Variants in APBB2 observed in about 807,000 individuals in gnomAD.
APBB2 encodes Fe65-like 1.
In APBB2, 38 loss-of-function variants were observed where a neutral mutation model predicts 82.5. That is an observed-to-expected ratio of 0.46 (90% confidence interval 0.36 to 0.60). The LOEUF is 0.60. Ranked by LOEUF, APBB2 falls within the 20% of genes least tolerant of loss-of-function variation. APBB2 has a pLI of 0.00. For missense variants in APBB2, 772 were observed against 972.3 expected (o/e 0.79, Z 2.74); for synonymous variants, 341 against 368.2 (o/e 0.93, Z 0.85).
chr4:41,164,658 A>G (rs1766024514), intron 1 of APBB2, among the ~76,000 whole-genome samples: 1 of 152,222 alleles, frequency 6.6e-6, no homozygotes, highest in Non-Finnish European at 1.5e-5. Context: ...AAGTGAAGTA[A>G]TATCACTTCT....
intron 7 of APBB2, chr4:40,935,675 G>C (rs1785212541): frequency 6.6e-6 from 1 of 151,706 alleles, no homozygotes; most frequent in Non-Finnish European, 1.5e-5. Context: ...AACACAGACT[G>C]ACATCAACAC....
At chr4:41,210,072 G>A (rs972933818) in intron 1 of APBB2, among the ~76,000 whole-genome samples, 1 of 152,218 alleles carries the variant, frequency 6.6e-6, no homozygotes, top group Admixed American at 6.5e-5. Context: ...AGTCCTGTGA[G>A]AATCAAATGC....
chr4:41,063,286 ATAACCATTTAAAATG>A (rs1467780604), intron 4 of APBB2, among the ~76,000 whole-genome samples: 1 of 152,234 alleles, frequency 6.6e-6, no homozygotes, highest in African/African-American at 2.4e-5. Flanking sequence ...AGGTGCTTAT[ATAACCATTTAAAATG>A]TAACCATTTA....
At chr4:41,195,942 C>T in intron 1 of APBB2, among the ~76,000 whole-genome samples, 1 of 152,234 alleles carries the variant, frequency 6.6e-6, no homozygotes, top group African/African-American at 2.4e-5. Context: ...GGGCAGATCA[C>T]AAGGTCAGGA....
intron 3 of APBB2, among the ~76,000 whole-genome samples, chr4:41,070,972 T>C (rs1391698960): frequency 6.6e-6 from 1 of 152,246 alleles, no homozygotes; most frequent in African/African-American, 2.4e-5. Context: ...CTAGCCATAA[T>C]ATATTCACTA....
chr4:41,030,935 G>A (rs1716510252), intron 5 of APBB2, among the ~76,000 whole-genome samples: 1 of 152,072 alleles, frequency 6.6e-6, no homozygotes, highest in Non-Finnish European at 1.5e-5. Flanking sequence ...ATAAATTCTG[G>A]TATGTTTGGC....
chr4:41,050,119 AAAAAT>A (rs1725402149), intron 4 of APBB2, among the ~76,000 whole-genome samples: 1 of 132,830 alleles, frequency 7.5e-6, no homozygotes, highest in African/African-American at 4.3e-5. Flanking sequence ...ATCAATAAAA[AAAAAT>A]AAAAATAAAA....
At chr4:40,822,081 G>C (rs780128616) in intron 16 of APBB2, 31 bp from the exon 17 acceptor site, 3 of 1,610,872 alleles carry the variant, frequency 1.9e-6, no homozygotes, top group South Asian at 2.2e-5. Flanking sequence ...CATCCAATCA[G>C]GAGATCCCAG....
rs1407519773 is a variant in APBB2, at chr4:40,907,373, ATATATATTTTT to A, written c.1255-13973_1255-13963del. On this transcript the variant is annotated intron_variant, in intron 10 of 17. Coordinates refer to ENST00000508593, the MANE Select transcript of APBB2 (RefSeq NM_004307.2). ...CATATATATATATATATATATATATATATATATTTTTTTTTTTTTTTTTTTTTAGACAGAGT... is the reference window on the plus strand; with the variant it reads ...CATATATATATATATATATATATATATTTTTTTTTTTTTTTTAGACAGAGT... 8.0e-3 allele frequency among the ~76,000 whole-genome samples: 297 copies of A among 37,330 alleles called. 4 individuals are homozygous for A. In the East Asian group the frequency reaches 0.1, roughly 13 times the overall value. The allele number at this position is 37,330 out of a possible 152,430, so 24.5% of individuals were successfully genotyped here. A position where few individuals can be genotyped will look rare whatever the true frequency, so the allele number is the denominator to read the frequency against.
intron 12 of APBB2, among the ~76,000 whole-genome samples, chr4:40,839,854 G>C (rs976791296): frequency 6.6e-6 from 1 of 152,066 alleles, no homozygotes; most frequent in Non-Finnish European, 1.5e-5. Flanking sequence ...TAGTAGAGAC[G>C]GGGCTTCGCC....
chr4:41,197,979 C>A, intron 1 of APBB2, among the ~76,000 whole-genome samples: 1 of 152,194 alleles, frequency 6.6e-6, no homozygotes, highest in African/African-American at 2.4e-5. Context: ...GCTGACTATT[C>A]TAGGTACTTT....
chr4:40,978,184 C>T (rs1026014371), intron 6 of APBB2, among the ~76,000 whole-genome samples: 3 of 152,216 alleles, frequency 2.0e-5, no homozygotes, highest in African/African-American at 7.2e-5. Flanking sequence ...AGCAAGCTTG[C>T]CCCAAATCAG....
rs1754656090 is a variant in APBB2 at position 41,127,239 on chromosome 4, AAC to A, written c.-261+15746_-261+15747del. On this transcript the variant is annotated intron_variant, in intron 2 of 17. Transcript: ENST00000508593. The surrounding 1 kb of genome is among the most constrained non-coding windows in gnomAD (Gnocchi z 4.8). ...AAATACTTCATAAAGACACACACCA[AAC>A]AACCATAATGAAAAGTCTTTTGGGG... 1.3e-5 allele frequency among the ~76,000 whole-genome samples: 2 copies of A among 152,192 alleles called. No individual in the cohort carries two copies. The highest frequency in any genetic ancestry group is 1.3e-4 in the Admixed American group (2 of 15,284).
intron 1 of APBB2, among the ~76,000 whole-genome samples, chr4:41,170,414 T>C (rs1212067430): frequency 4.6e-5 from 7 of 152,166 alleles, no homozygotes; most frequent in Non-Finnish European, 1.0e-4. Flanking sequence ...AAGACCAAGT[T>C]ATGATGGTTA....
chr4:41,014,175 G>C lies in APBB2; in HGVS notation c.243C>G (p.Leu81=). ...GCAGGGGCTGTGCAGCTGGATCCGA[G>C]AGGCCCATGGCCGCCTGGATGTTAG... is the stretch of plus-strand genomic sequence containing the variant. ...ALTNIQAAMG[L]SDPAAQPLLG... The change falls in exon 6 of 18, where the codon CTC becomes CTG. Residue 81 remains leucine, a synonymous_variant. Coordinates refer to ENST00000508593, the MANE Select transcript of APBB2 (RefSeq NM_004307.2). 6.2e-7 allele frequency: 1 copy of C among 1,614,224 alleles called. No homozygotes were observed. The highest frequency in any genetic ancestry group is 8.5e-7 in the Non-Finnish European group (1 of 1,180,042).
At chr4:40,916,486 G>T (rs930621395) in intron 10 of APBB2, among the ~76,000 whole-genome samples, 5 of 152,226 alleles carry the variant, frequency 3.3e-5, no homozygotes, top group Non-Finnish European at 5.9e-5. Context: ...CTGTTCCTCA[G>T]TATTGGCTGA....
intron 2 of APBB2, among the ~76,000 whole-genome samples, chr4:41,113,022 G>A (rs1339494008): frequency 1.3e-5 from 2 of 152,022 alleles, no homozygotes; most frequent in Non-Finnish European, 2.9e-5. Context: ...ATCTGTGAAG[G>A]TTAGACATAC....
At chr4:41,050,673 C>A (rs569488831) in intron 4 of APBB2, among the ~76,000 whole-genome samples, 1 of 152,084 alleles carries the variant, frequency 6.6e-6, no homozygotes, top group Admixed American at 6.5e-5. Context: ...GCACAATTAG[C>A]AACTCTTCTA....
Position 40,944,920 on chromosome 4 carries a change from C to A in APBB2, c.989G>T (p.Gly330Val), listed in dbSNP as rs368043107. 1.9e-6 allele frequency: 3 copies of A among 1,613,560 alleles called. No homozygotes were observed. The African/African-American group carries it at 4.0e-5, about 22-fold the overall frequency. The part of the protein sequence containing the change: ...RPVSIPADLQ[G>V]SRKGSLSSVT... Reference sequence around the variant, plus strand: ...AGAACTAAGTGACCCTTTCCTAGAACCCTGGAGATCTGCTGGGATGGAGAC... The same window carrying A: ...AGAACTAAGTGACCCTTTCCTAGAAACCTGGAGATCTGCTGGGATGGAGAC... Residue 330 changes from glycine (G) to valine (V), a missense_variant, in exon 7 of 18, where the codon GGT becomes GTT. Gly to Val is a moderately radical substitution (Grantham distance 109, BLOSUM62 -3). Coordinates refer to ENST00000508593, the MANE Select transcript of APBB2 (RefSeq NM_004307.2).
Sources: allele counts gnomAD v4.1 joint callset (sites outside exome capture counted in the v4.1 genomes callset), GRCh38; gene constraint gnomAD v4.1.1; non-coding constraint Gnocchi (gnomAD v3.1); transcripts MANE v1.5; gene names NCBI Gene and HGNC (gene_info 2026-07-23, HGNC 2026-07-21).